Variants in TMEM232 observed in about 807,000 individuals in gnomAD.
TMEM232 encodes the protein transmembrane protein 232.
A neutral mutation model predicts 78.8 loss-of-function variants in TMEM232; 80 were observed. The ratio of observed to expected loss-of-function variants is 1.01; its 90% CI spans 0.85 to 1.22. The LOEUF (loss-of-function observed/expected upper bound fraction) is 1.22. Among genes scored for constraint, TMEM232 ranks in the 50% most tolerant of loss-of-function variants. The probability of loss-of-function intolerance (pLI) is 0.00; values close to 1 mark genes in which losing one functional copy is unlikely to be tolerated. For synonymous variants in TMEM232, 297 were observed against 254.3 expected (o/e 1.17, Z -1.60); for missense variants, 881 against 742.2 (o/e 1.19, Z -2.17).
chr5:110,500,813 A>G (rs900928942), intron 12 of TMEM232, among the ~76,000 whole-genome samples: 3 of 152,196 alleles, frequency 2.0e-5, no homozygotes, highest in African/African-American at 7.2e-5. Context: ...TTGTTACATC[A>G]TCATGGGTCT....
At chr5:110,454,524 T>C (rs1368639122) in intron 12 of TMEM232, among the ~76,000 whole-genome samples, 1 of 151,478 alleles carries the variant, frequency 6.6e-6, no homozygotes, top group African/African-American at 2.4e-5. Context: ...CAGAAAGATA[T>C]ATGGAAAATG....
chr5:110,655,814 C>A (rs188329035), intron 2 of TMEM232, among the ~76,000 whole-genome samples: 106 of 149,044 alleles, frequency 7.1e-4, no homozygotes, highest in African/African-American at 2.6e-3. Context: ...GGACAAAAAA[C>A]CAAACACTGC....
chr5:110,676,337 A>AAGG (rs1792020749), intron 1 of TMEM232, among the ~76,000 whole-genome samples: 1 of 151,492 alleles, frequency 6.6e-6, no homozygotes, highest in Non-Finnish European at 1.5e-5. Flanking sequence ...TTTTTTTTTT[A>AAGG]AGGAACTTCT....
chr5:110,645,501 CA>C (rs2150035193), intron 2 of TMEM232, among the ~76,000 whole-genome samples: 1 of 149,204 alleles, frequency 6.7e-6, no homozygotes, highest in South Asian at 2.1e-4. Flanking sequence ...AAACATTTGC[CA>C]AAGTTTAACT....
At chr5:110,516,144 C>T (rs893356985) in intron 12 of TMEM232, among the ~76,000 whole-genome samples, 1 of 151,982 alleles carries the variant, frequency 6.6e-6, no homozygotes, top group Non-Finnish European at 1.5e-5. Context: ...GAGGCTGACG[C>T]AGGAGAACGG....
chr5:110,710,790 A>G (rs1796393579), intron 1 of TMEM232, among the ~76,000 whole-genome samples: 1 of 152,174 alleles, frequency 6.6e-6, no homozygotes, highest in Non-Finnish European at 1.5e-5. Flanking sequence ...TATATTTCAG[A>G]CTTGCAGCTA....
At chr5:110,604,259 T>C (rs571339667) in intron 10 of TMEM232, among the ~76,000 whole-genome samples, 2 of 152,204 alleles carry the variant, frequency 1.3e-5, no homozygotes, top group Non-Finnish European at 2.9e-5. Flanking sequence ...AAGACTACTT[T>C]GAGTTAACAT....
chr5:110,392,420 C>G (rs1755233305), intron 3 of TMEM232, among the ~76,000 whole-genome samples: 1 of 152,170 alleles, frequency 6.6e-6, no homozygotes, highest in Admixed American at 6.5e-5. Flanking sequence ...TGGTAATATG[C>G]ACTGATTTGT....
chr5:110,627,235 C>T (rs1330720471), intron 6 of TMEM232, among the ~76,000 whole-genome samples: 2 of 152,038 alleles, frequency 1.3e-5, no homozygotes, highest in South Asian at 2.1e-4. Flanking sequence ...AGTGGATCAC[C>T]AAGTCCAGAA....
chr5:110,417,463 T>C (rs1178694864), downstream of TMEM232, among the ~76,000 whole-genome samples: 1 of 152,170 alleles, frequency 6.6e-6, no homozygotes, highest in Non-Finnish European at 1.5e-5. Context: ...GCAAAGTGAA[T>C]ACTAAACATA....
intron 12 of TMEM232, among the ~76,000 whole-genome samples, chr5:110,489,417 T>C (rs961200045): frequency 6.6e-6 from 1 of 151,998 alleles, no homozygotes; most frequent in African/African-American, 2.4e-5. Flanking sequence ...AATGACATGA[T>C]CTCAACAGAC....
intron 1 of TMEM232, among the ~76,000 whole-genome samples, chr5:110,714,251 T>C (rs1488433031): frequency 6.6e-6 from 1 of 152,138 alleles, no homozygotes; most frequent in African/African-American, 2.4e-5. Flanking sequence ...GTCCATCAGA[T>C]AAAACAGGAT....
intron 2 of TMEM232, among the ~76,000 whole-genome samples, chr5:110,734,689 G>A (rs1338864793): frequency 6.6e-6 from 1 of 152,170 alleles, no homozygotes; most frequent in Non-Finnish European, 1.5e-5. Flanking sequence ...CATTAAGTGT[G>A]TAGATGTTAA....
At chr5:110,471,743 C>CA (rs982691625) in intron 12 of TMEM232, among the ~76,000 whole-genome samples, 56 of 152,042 alleles carry the variant, frequency 3.7e-4, no homozygotes, top group South Asian at 2.3e-3. Context: ...GGAAATTTAT[C>CA]ACTACTAGAG....
chr5:110,686,683 A>G (rs1044250396), intron 1 of TMEM232, among the ~76,000 whole-genome samples: 3 of 152,200 alleles, frequency 2.0e-5, no homozygotes, highest in African/African-American at 7.2e-5. Context: ...AAATAAGATT[A>G]TAAGAGAAAA....
intron 1 of TMEM232, among the ~76,000 whole-genome samples, chr5:110,721,675 A>G (rs74364496): frequency 4.4e-5 from 4 of 90,032 alleles, no homozygotes; most frequent in South Asian, 4.6e-4. Context: ...GTGTGTGTGT[A>G]TATATATATC....
intron 12 of TMEM232, among the ~76,000 whole-genome samples, chr5:110,513,470 C>T (rs1380691478): frequency 6.6e-6 from 1 of 151,872 alleles, no homozygotes; most frequent in Non-Finnish European, 1.5e-5. Flanking sequence ...GAACAAAACA[C>T]AAGAACACCA....
At chr5:110,535,783 T>C (rs1772258478) in intron 11 of TMEM232, among the ~76,000 whole-genome samples, 1 of 152,138 alleles carries the variant, frequency 6.6e-6, no homozygotes, top group African/African-American at 2.4e-5. Flanking sequence ...TAAAACACAC[T>C]GTAATCAAAG....
At chr5:110,681,195 G>C (rs577749660) in intron 1 of TMEM232, among the ~76,000 whole-genome samples, 12 of 152,154 alleles carry the variant, frequency 7.9e-5, no homozygotes, top group African/African-American at 1.4e-4. Context: ...TTCTCAGGCA[G>C]TGTTGATAGC....
Sources: gnomAD v4.1 joint callset for allele counts (sites outside exome capture counted in the v4.1 genomes callset) on GRCh38, gnomAD v4.1.1 for gene constraint, MANE v1.5 for transcripts, NCBI Gene and HGNC (gene_info 2026-07-23, HGNC 2026-07-21) for gene names.